The following TOP2B variants were observed in gnomAD, a reference collection of about 807,000 sequenced individuals.
TOP2B encodes the protein DNA topoisomerase 2-beta.
A neutral mutation model predicts 193.5 loss-of-function variants in TOP2B; 51 were observed. The ratio of observed to expected loss-of-function variants is 0.26; its 90% confidence interval spans 0.21 to 0.33. The LOEUF (loss-of-function observed/expected upper bound fraction) is 0.33, where lower values mean the gene tolerates loss of function less well. Among genes scored for constraint, TOP2B ranks in the 10% least tolerant of loss-of-function variants. The pLI is 1.00. For missense variants in TOP2B, 1,378 were observed against 1,909.3 expected, an observed-to-expected ratio of 0.72 and a Z score of 5.19; for synonymous variants, 634 against 635.7, an observed-to-expected ratio of 1.00 and a Z score of 0.04.
In TOP2B at chr3:25,664,572, G is replaced by C; in HGVS notation, c.-275C>G. 9.5e-7 allele frequency: 1 copy of C among 1,052,746 alleles called. No homozygotes were observed. 65.2% of individuals were successfully genotyped at this position (1,052,746 alleles called of 1,614,324 possible). On this transcript the variant is annotated 5_prime_UTR_variant, in exon 1 of 36. Coordinates refer to ENST00000264331, the MANE Select transcript of TOP2B (RefSeq NM_001330700.2). ...GAGAAAGCAGGGAGCGACCGGCGGC[G>C]GCCGAGCGGCGGCGTTGCCTTCTCG...
chr3:25,603,639 G>C (rs1228303952), intron 33 of TOP2B, among the ~76,000 whole-genome samples: 1 of 152,162 alleles, frequency 6.6e-6, no homozygotes, highest in Non-Finnish European at 1.5e-5. Context: ...ATGGATTCAA[G>C]TATAAGTATT....
rs1703323315 is a variant in TOP2B at position 25,643,558 on chromosome 3, G to T, written c.331+136C>A. The T allele has an allele frequency of 6.4e-6, 4 of 624,474 alleles. No individual in the cohort carries two copies. In the Admixed American group the frequency reaches 1.1e-4, roughly 17 times the overall value. 38.7% of individuals were successfully genotyped at this position (624,474 alleles called of 1,614,324 possible). The stretch of plus-strand genomic sequence containing the variant: ...CAGATCATGGTATAAATTTTCTGAA[G>T]ATCATTTATATTCAGAAGGATAAAA... On this transcript the variant is annotated intron_variant, in intron 3 of 35. Transcript: ENST00000264331.
At chr3:25,649,819 T>G (rs1044605471) in intron 1 of TOP2B, among the ~76,000 whole-genome samples, 3 of 152,064 alleles carry the variant, frequency 2.0e-5, no homozygotes, top group Non-Finnish European at 2.9e-5. Flanking sequence ...CATAACTCCC[T>G]GGTAAAGTCC....
At chr3:25,654,598 G>T (rs985424187) in intron 1 of TOP2B, among the ~76,000 whole-genome samples, 1 of 152,046 alleles carries the variant, frequency 6.6e-6, no homozygotes, top group African/African-American at 2.4e-5. Flanking sequence ...AATTCATATG[G>T]AATCTCAAGA....
At chr3:25,609,458 G>T in intron 29 of TOP2B, 110 bp downstream of exon 29, 2 of 1,464,180 alleles carry the variant, frequency 1.4e-6, no homozygotes, top group South Asian at 1.4e-5. Flanking sequence ...TATGAAAATT[G>T]AAGGCATTAT....
At position 25,624,701 on chromosome 3, in the gene TOP2B, G is replaced by A. The variant is rs1434014668; in HGVS notation, c.2327C>T (p.Ser776Leu). 3 of 1,613,678 alleles carry A rather than the reference G, an allele frequency of 1.9e-6. No individual in the cohort carries two copies. Among genetic ancestry groups the A allele is most frequent in the Non-Finnish European group, 8.5e-7 (1 of 1,179,770 alleles). Residue 776 changes from serine (S) to leucine (L), a missense_variant, in exon 19 of 36, where the codon TCG becomes TTG. Coordinates refer to ENST00000264331, the MANE Select transcript of TOP2B (RefSeq NM_001330700.2). The part of the protein sequence containing the change: ...AQLAGSVAEM[S>L]AYHHGEQALM... Reference sequence around the variant, plus strand: ...GCTTACTTCTCCATGATGATAAGCCGACATCTCAGCAACAGAGCCAGCCAA... The same window carrying A: ...GCTTACTTCTCCATGATGATAAGCCAACATCTCAGCAACAGAGCCAGCCAA...
chr3:25,662,888 G>A (rs980049348), intron 1 of TOP2B, among the ~76,000 whole-genome samples: 5 of 152,118 alleles, frequency 3.3e-5, no homozygotes, highest in Admixed American at 2.6e-4. Flanking sequence ...TTAGTGACAG[G>A]GGTAAAAGCC....
intron 8 of TOP2B, 58 bp from the exon 9 acceptor site, chr3:25,632,852 CT>C: frequency 7.3e-7 from 1 of 1,365,448 alleles, no homozygotes; most frequent in Non-Finnish European, 1.0e-6. Flanking sequence ...TAGCAAAATA[CT>C]TTATCTGTAT....
intron 1 of TOP2B, among the ~76,000 whole-genome samples, chr3:25,648,279 G>A (rs1007585992): frequency 1.3e-5 from 2 of 152,150 alleles, no homozygotes; most frequent in African/African-American, 4.8e-5. Flanking sequence ...ACTACAGCAC[G>A]AGACGCCACA....
At position 25,623,536 on chromosome 3, in the gene TOP2B, A is replaced by T. The variant is rs1160204621; in HGVS notation, c.2706T>A (p.Asp902Glu). ...EIVNNVRRML[D>E]GLDPHPMLPN... ...TTACCATGGGATGAGGATCCAGGCC[A>T]TCTAGCATTCGTCTGACATTGTTCA... Residue 902 changes from aspartate to glutamate, a missense_variant, in exon 21 of 36, where the codon GAT becomes GAA. Asp to Glu is a conservative substitution (Grantham distance 45). This residue lies in a region of TOP2B where 379 missense variants were observed against 615.1 expected (regional missense o/e 0.62). Transcript: ENST00000264331. 2 of 1,613,932 alleles carry T rather than the reference A, an allele frequency of 1.2e-6. No individual in the cohort carries two copies. The highest frequency in any genetic ancestry group is 3.3e-5 in the Admixed American group (2 of 60,016).
At position 25,607,379 on chromosome 3, in the gene TOP2B, G is replaced by A. The variant is rs887224013; in HGVS notation, c.4094-4C>T. 1 of 1,548,710 alleles carries A rather than the reference G, an allele frequency of 6.5e-7. No homozygotes were observed. The highest frequency in any genetic ancestry group is 1.4e-5 in the African/African-American group (1 of 72,826). ...AATGTGTATTTAGGTCTTTCGGCTA[G>A]GAGGAAAAATAAAAATGAATGTTAA... On this transcript the variant is annotated splice_polypyrimidine_tract_variant and splice_region_variant and intron_variant, in intron 30 of 35. Coordinates refer to ENST00000264331, the MANE Select transcript of TOP2B (RefSeq NM_001330700.2).
intron 28 of TOP2B, among the ~76,000 whole-genome samples, chr3:25,610,846 G>C (rs1702351864): frequency 1.3e-5 from 2 of 152,198 alleles, no homozygotes; most frequent in Admixed American, 6.5e-5. Flanking sequence ...AAGTATCTCA[G>C]AGAAAACACA....
At chr3:25,664,104 C>G in intron 1 of TOP2B, 125 bp downstream of exon 1, 1 of 1,395,536 alleles carries the variant, frequency 7.2e-7, no homozygotes, top group South Asian at 1.3e-5. Flanking sequence ...AGCACAGGCC[C>G]CTATGGAGCG....
Position 25,606,088 on chromosome 3 carries a change from C to A in TOP2B, c.4333G>T (p.Gly1445Ter). ...SLHDKKSQDFGNLFSFPSYSQ... is the reference protein window; with the variant it reads ...SLHDKKSQDF ...TATGAAGGAAATGAGAAGAGATTTC[C>A]AAAATCCTGACTTTTTTTGTCATGC... Residue 1445 changes from glycine to a stop codon, truncating the protein, a stop_gained, in exon 32 of 36, where the codon GGA (glycine) becomes TGA (stop). Transcript: ENST00000264331. LOFTEE classifies it high-confidence loss of function. 1 of 1,507,704 alleles carries A rather than the reference C, an allele frequency of 6.6e-7. No homozygotes were observed. The highest frequency in any genetic ancestry group is 1.3e-5 in the South Asian group (1 of 77,122). 93.4% of individuals were successfully genotyped at this position (1,507,704 alleles called of 1,614,324 possible). A position where few individuals can be genotyped will look rare whatever the true frequency, so the allele number is the denominator to read the frequency against.
intron 10 of TOP2B, among the ~76,000 whole-genome samples, chr3:25,631,206 T>A (rs114928051): frequency 6.6e-6 from 1 of 152,248 alleles, no homozygotes; most frequent in Non-Finnish European, 1.5e-5. Flanking sequence ...GGAATATGCA[T>A]TGCTCTTGTT....
intron 27 of TOP2B, among the ~76,000 whole-genome samples, chr3:25,614,977 A>G (rs1702466649): frequency 6.6e-6 from 1 of 152,040 alleles, no homozygotes; most frequent in Admixed American, 6.6e-5. Flanking sequence ...TTTTTAACTA[A>G]TTGAAAGCAG....
In TOP2B at chr3:25,630,808, A is replaced by G. The variant is rs1174378716; in HGVS notation, c.1398T>C (p.Asn466=). 5.7e-6 allele frequency: 9 copies of G among 1,565,382 alleles called. No homozygotes were observed. The highest frequency in any genetic ancestry group is 2.4e-5 in the South Asian group (2 of 82,108). Residue 466 remains asparagine, a synonymous_variant, in exon 11 of 36, where the codon AAT becomes AAC. Transcript: ENST00000264331. Reference sequence around the variant, plus strand: ...TAAAAATATCAATCTTACCAGCATCATTAGCATCATCCAGTTTGGGAATAC... The same window carrying G: ...TAAAAATATCAATCTTACCAGCATCGTTAGCATCATCCAGTTTGGGAATAC... The part of the protein sequence containing the change: ...IKGIPKLDDA[N]DAGGKHSLEC...
chr3:25,609,143 T>A lies in TOP2B; in HGVS notation c.4093+40A>T, dbSNP rs749627939. 6.6e-6 allele frequency: 10 copies of A among 1,522,308 alleles called. No homozygotes were observed. The South Asian group carries it at 1.3e-4, about 19-fold the overall frequency. 94.3% of individuals were successfully genotyped at this position (1,522,308 alleles called of 1,614,324 possible). A position where few individuals can be genotyped will look rare whatever the true frequency, so the allele number is the denominator to read the frequency against. On this transcript the variant is annotated intron_variant, in intron 30 of 35. Coordinates refer to ENST00000264331, the MANE Select transcript of TOP2B (RefSeq NM_001330700.2). The stretch of plus-strand genomic sequence containing the variant: ...ATACTAACAATACCAACGTATAGGT[T>A]AAACTATAATATACAGTAATATTAA...
rs746857248 is a variant in TOP2B at position 25,607,305 on chromosome 3, GTCA to G, written c.4161_4163del (p.Asp1388del). 1.1e-4 allele frequency: 178 copies of G among 1,554,698 alleles called. No homozygotes were observed. Among genetic ancestry groups the G allele is most frequent in the Non-Finnish European group, 1.4e-4 (157 of 1,147,914 alleles). On this transcript the variant is annotated inframe_deletion, in exon 31 of 36. Transcript: ENST00000264331. ...CTTTCAATTCCTCTAAATCATTATTGTCATCATCATCATCATCAGCATCATCAT... is the reference window on the plus strand; with the variant it reads ...CTTTCAATTCCTCTAAATCATTATTGTCATCATCATCATCAGCATCATCAT...
Sources: allele counts gnomAD v4.1 joint callset (sites outside exome capture counted in the v4.1 genomes callset), GRCh38; gene constraint gnomAD v4.1.1; regional missense constraint gnomAD v4.1.1; transcripts MANE v1.5; gene names NCBI Gene and HGNC (gene_info 2026-07-23, HGNC 2026-07-21).